Variants in CTNNA1 observed in about 807,000 individuals in gnomAD.
CTNNA1 encodes catenin alpha-1.
CTNNA1 carries 37 observed loss-of-function variants against 98.4 expected under a neutral mutation model. The observed-to-expected ratio is 0.38, with a 90% confidence interval of 0.29 to 0.49. The LOEUF (loss-of-function observed/expected upper bound fraction) is 0.49. CTNNA1 is among the 20% of genes least tolerant of loss of function. The pLI is 0.95. For missense variants in CTNNA1, 761 were observed against 1,147.2 expected (o/e 0.66, Z 4.86); for synonymous variants, 404 against 413.2 (o/e 0.98, Z 0.27).
chr5:138,828,906 G>A (rs762246626), intron 7 of CTNNA1, among the ~76,000 whole-genome samples: 2 of 152,132 alleles, frequency 1.3e-5, no homozygotes, highest in Non-Finnish European at 2.9e-5. Context: ...GGTGGATTGC[G>A]TGAGCCCAAG....
In CTNNA1 at chr5:138,874,662, C is replaced by T. The variant is rs1384716164; in HGVS notation, c.1063-11550C>T. 4 of 782,808 alleles carry T rather than the reference C, an allele frequency of 5.1e-6. No homozygotes were observed. Among genetic ancestry groups the T allele is most frequent in the Admixed American group, 5.9e-5 (2 of 33,768 alleles). 48.5% of individuals were successfully genotyped at this position (782,808 alleles called of 1,614,324 possible). On this transcript the variant is annotated intron_variant, in intron 7 of 17. Transcript: ENST00000302763. This position sits in a 1 kb window ranked among gnomAD's most constrained non-coding sequence, Gnocchi z 4.1. Reference sequence around the variant, plus strand: ...CCACCAACATTATAGCAAAAGATTTCACTGCATATAACTTATTTTTCATTT... The same window carrying T: ...CCACCAACATTATAGCAAAAGATTTTACTGCATATAACTTATTTTTCATTT...
intron 3 of CTNNA1, among the ~76,000 whole-genome samples, chr5:138,799,667 G>T (rs1757344593): frequency 2.0e-5 from 3 of 151,398 alleles, no homozygotes; most frequent in East Asian, 1.9e-4. Flanking sequence ...GAAGTTTGAG[G>T]ACCTCATTTT....
intron 7 of CTNNA1, among the ~76,000 whole-genome samples, chr5:138,867,247 C>T (rs1764872886): frequency 6.6e-6 from 1 of 152,154 alleles, no homozygotes; most frequent in East Asian, 1.9e-4. Flanking sequence ...GCTGATATTC[C>T]TGGTGTGAGA....
chr5:138,887,008 A>G (rs1375762225), intron 8 of CTNNA1, among the ~76,000 whole-genome samples: 2 of 152,152 alleles, frequency 1.3e-5, no homozygotes, highest in African/African-American at 4.8e-5. Context: ...TTGGTGAAGC[A>G]GTATCAGAAA....
intron 17 of CTNNA1, 26 bp from the exon 18 acceptor site, chr5:138,933,776 T>C: frequency 6.2e-7 from 1 of 1,606,868 alleles, no homozygotes; most frequent in South Asian, 1.1e-5. Flanking sequence ...GGCCGGTGCT[T>C]CTTACCACCC....
chr5:138,866,129 T>C (rs1764735483), intron 7 of CTNNA1, among the ~76,000 whole-genome samples: 1 of 152,136 alleles, frequency 6.6e-6, no homozygotes, highest in Admixed American at 6.6e-5. Context: ...GGGCAACACA[T>C]GGTGAAACTC....
chr5:138,918,040 T>TA, intron 11 of CTNNA1, 142 bp downstream of exon 11: 2 of 956,624 alleles, frequency 2.1e-6, no homozygotes, highest in Non-Finnish European at 3.1e-6. Context: ...ATTTTAATGT[T>TA]AAAAAAGCTA....
At chr5:138,847,385 G>A (rs1215241908) in intron 7 of CTNNA1, among the ~76,000 whole-genome samples, 1 of 151,946 alleles carries the variant, frequency 6.6e-6, no homozygotes, top group Non-Finnish European at 1.5e-5. Context: ...AGCTGGTCTC[G>A]AACTACTGGG....
intron 1 of CTNNA1, among the ~76,000 whole-genome samples, chr5:138,776,558 G>T (rs969652167): frequency 1.3e-5 from 2 of 152,194 alleles, no homozygotes; most frequent in South Asian, 4.1e-4. Flanking sequence ...TGAGCTGCTG[G>T]GCACACCTCC....
chr5:138,856,868 G>A (rs1417551567), intron 7 of CTNNA1, among the ~76,000 whole-genome samples: 1 of 152,176 alleles, frequency 6.6e-6, no homozygotes, highest in East Asian at 1.9e-4. Context: ...AAATATGGAA[G>A]TATTTTAGAG....
intron 3 of CTNNA1, 31 bp from the exon 4 acceptor site, chr5:138,810,007 T>TA: frequency 6.3e-7 from 1 of 1,577,604 alleles, no homozygotes; most frequent in Non-Finnish European, 8.7e-7. Flanking sequence ...AGTTCATTCT[T>TA]GCTGAGTTTG....
chr5:138,852,099 A>G (rs965500990), intron 7 of CTNNA1, among the ~76,000 whole-genome samples: 1 of 152,086 alleles, frequency 6.6e-6, no homozygotes, highest in Non-Finnish European at 1.5e-5. Flanking sequence ...TAAATAAATA[A>G]ATATATAACA....
chr5:138,787,378 A>G (rs1561525831), intron 3 of CTNNA1, among the ~76,000 whole-genome samples: 1 of 152,138 alleles, frequency 6.6e-6, no homozygotes, highest in Non-Finnish European at 1.5e-5. Context: ...AGACCGTGCC[A>G]CTGCACTCCA....
At position 138,874,254 on chromosome 5, in the gene CTNNA1, C is replaced by T; in HGVS notation, c.1063-11958C>T. The T allele has an allele frequency of 2.5e-6, 4 of 1,614,022 alleles. No individual in the cohort carries two copies. Among genetic ancestry groups the T allele is most frequent in the Non-Finnish European group, 3.4e-6 (4 of 1,179,888 alleles). On this transcript the variant is annotated intron_variant, in intron 7 of 17. Transcript: ENST00000302763. This position sits in a 1 kb window ranked among gnomAD's most constrained non-coding sequence, Gnocchi z 4.1. ...AGTTTATATAGTCCTTGAAAAGCAT[C>T]TTCTTTTACTGTTGAAATTTGATTG...
At position 138,894,667 on chromosome 5, in the gene CTNNA1, G is replaced by GATT. The variant is rs201706033; in HGVS notation, c.1296+7028_1296+7030dup. ...TGATTATGATTATGATTATGATTAT[G>GATT]ATTATGATTATGATTTTCTAGCACT... is the stretch of plus-strand genomic sequence containing the variant. On this transcript the variant is annotated intron_variant, in intron 9 of 17. Coordinates refer to ENST00000302763, the MANE Select transcript of CTNNA1 (RefSeq NM_001903.5). Among the ~76,000 whole-genome samples, 394 of 151,822 alleles carry GATT rather than the reference G, an allele frequency of 2.6e-3. 1 individual carries two copies. Among genetic ancestry groups the GATT allele is most frequent in the African/African-American group, 8.9e-3 (368 of 41,364 alleles).
intron 7 of CTNNA1, among the ~76,000 whole-genome samples, chr5:138,839,904 G>A (rs1031641855): frequency 6.6e-5 from 10 of 152,222 alleles, no homozygotes; most frequent in Non-Finnish European, 1.2e-4. Context: ...AGATACTCCT[G>A]GTGGTGCTCT....
In CTNNA1 at chr5:138,848,442, A is replaced by G. The variant is rs570272644; in HGVS notation, c.1062+20724A>G. Among the ~76,000 whole-genome samples the G allele has an allele frequency of 8.5e-4, 130 of 152,314 alleles. 1 individual carries two copies. The highest frequency in any genetic ancestry group is 6.0e-3 in the South Asian group (29 of 4,824). On this transcript the variant is annotated intron_variant, in intron 7 of 17. Coordinates refer to ENST00000302763, the MANE Select transcript of CTNNA1 (RefSeq NM_001903.5). ...CTCTTCTGATTTCCAGTAGTTTCAT[A>G]GAGCCATTGCATTTATCATTCTCCT...
chr5:138,905,851 A>T (rs1220241288), intron 10 of CTNNA1, among the ~76,000 whole-genome samples: 1 of 152,216 alleles, frequency 6.6e-6, no homozygotes, highest in Non-Finnish European at 1.5e-5. Flanking sequence ...TAAATTGCTC[A>T]TGGCATACTC....
At chr5:138,847,891 A>G (rs1440288565) in intron 7 of CTNNA1, among the ~76,000 whole-genome samples, 2 of 152,200 alleles carry the variant, frequency 1.3e-5, no homozygotes, top group African/African-American at 2.4e-5. Flanking sequence ...CAGAGATTGT[A>G]TAGGCCAGTA....
Sources: allele counts gnomAD v4.1 joint callset (sites outside exome capture counted in the v4.1 genomes callset), GRCh38; gene constraint gnomAD v4.1.1; non-coding constraint Gnocchi (gnomAD v3.1); transcripts MANE v1.5; gene names NCBI Gene and HGNC (gene_info 2026-07-23, HGNC 2026-07-21).